NAV2: variants seen among roughly 807,000 people sequenced by gnomAD.
NAV2 encodes helicase, APC down-regulated 1.
Under a neutral mutation model 223.2 loss-of-function variants are expected in NAV2, and 54 were observed. That is an observed-to-expected ratio of 0.24 (90% CI 0.19 to 0.30). NAV2 has a LOEUF of 0.30. NAV2 is among the 10% of genes least tolerant of loss of function. The pLI, the probability that NAV2 is intolerant of heterozygous loss-of-function variation, is 1.00. For missense variants in NAV2, 2,806 were observed against 3,147.5 expected, an observed-to-expected ratio of 0.89 and a Z score of 2.60; for synonymous variants, 1,279 against 1,239.3, an observed-to-expected ratio of 1.03 and a Z score of -0.67.
intron 1 of NAV2, among the ~76,000 whole-genome samples, chr11:19,674,547 G>T (rs1302460570): frequency 2.6e-5 from 4 of 152,158 alleles, no homozygotes; most frequent in Non-Finnish European, 5.9e-5. Flanking sequence ...GTGTTGTCAC[G>T]GGCCAGGCTT....
intron 1 of NAV2, among the ~76,000 whole-genome samples, chr11:19,541,118 A>G (rs2044329288): frequency 6.6e-6 from 1 of 152,216 alleles, no homozygotes; most frequent in Non-Finnish European, 1.5e-5. Flanking sequence ...TATTATTATG[A>G]GGAGGAGAGA....
chr11:20,057,180 A>G (rs1026117272), intron 19 of NAV2, among the ~76,000 whole-genome samples: 13 of 152,342 alleles, frequency 8.5e-5, no homozygotes, highest in Admixed American at 2.0e-4. Flanking sequence ...TCCTCCCAGC[A>G]TGAAAGAACA....
At chr11:19,409,919 G>C (rs530572773) in intron 1 of NAV2, among the ~76,000 whole-genome samples, 5 of 152,290 alleles carry the variant, frequency 3.3e-5, no homozygotes, top group African/African-American at 1.2e-4. Context: ...TCTGGGCTGA[G>C]ACAGGCGGCT....
At chr11:19,882,554 T>C (rs549658833) in intron 5 of NAV2, among the ~76,000 whole-genome samples, 12 of 152,294 alleles carry the variant, frequency 7.9e-5, no homozygotes, top group South Asian at 6.2e-4. Flanking sequence ...GGAACATGCA[T>C]TGAGAAATAG....
intron 37 of NAV2, among the ~76,000 whole-genome samples, chr11:20,115,239 G>C (rs1173540071): frequency 1.3e-5 from 2 of 152,160 alleles, no homozygotes; most frequent in Admixed American, 1.3e-4. Flanking sequence ...TCACAGAGGG[G>C]AGGAGGCCTG....
chr11:19,433,717 G>A (rs575559866), intron 1 of NAV2, among the ~76,000 whole-genome samples: 4 of 152,278 alleles, frequency 2.6e-5, no homozygotes, highest in Admixed American at 2.6e-4. Context: ...AAGCTAACTG[G>A]GGCCTTTATA....
At chr11:20,081,241 A>G (rs2060072838) in intron 25 of NAV2, among the ~76,000 whole-genome samples, 3 of 152,178 alleles carry the variant, frequency 2.0e-5, no homozygotes, top group Non-Finnish European at 2.9e-5. Flanking sequence ...TTTCTTTTTT[A>G]AGTTACTAAT....
At chr11:19,745,566 C>T (rs780199876) in intron 1 of NAV2, among the ~76,000 whole-genome samples, 20 of 151,982 alleles carry the variant, frequency 1.3e-4, no homozygotes, top group Middle Eastern at 3.2e-3. Flanking sequence ...TGGGGGTAGC[C>T]GGCTATCACA....
chr11:19,422,487 C>T (rs758382401), intron 1 of NAV2, among the ~76,000 whole-genome samples: 6 of 152,160 alleles, frequency 3.9e-5, no homozygotes, highest in East Asian at 1.9e-4. Flanking sequence ...CCCAGCAGAG[C>T]GTGGCTGGTC....
intron 6 of NAV2, among the ~76,000 whole-genome samples, chr11:19,895,902 AACAGGT>A (rs534637494): frequency 1.1e-4 from 16 of 151,958 alleles, no homozygotes; most frequent in Non-Finnish European, 1.9e-4. Flanking sequence ...GGTAAGACAC[AACAGGT>A]ACCTGGATGA....
At chr11:20,039,083 C>T (rs2056671361) in intron 12 of NAV2, among the ~76,000 whole-genome samples, 1 of 152,106 alleles carries the variant, frequency 6.6e-6, no homozygotes, top group African/African-American at 2.4e-5. Context: ...CAGAGAATCC[C>T]CTGCTTGAGG....
At chr11:19,589,042 G>A (rs1000753252) in intron 1 of NAV2, among the ~76,000 whole-genome samples, 8 of 152,306 alleles carry the variant, frequency 5.3e-5, no homozygotes, top group Admixed American at 5.2e-4. Context: ...CACCATACCT[G>A]GTCCTTCCTC....
intron 14 of NAV2, among the ~76,000 whole-genome samples, 158 bp downstream of exon 14, chr11:20,045,828 A>G (rs929553773): frequency 3.3e-5 from 5 of 152,202 alleles, no homozygotes; most frequent in Non-Finnish European, 7.3e-5. Flanking sequence ...GCAGTTGACT[A>G]TTTTCCCATG....
At chr11:19,681,410 GAT>G (rs2048876420) in intron 1 of NAV2, among the ~76,000 whole-genome samples, 1 of 152,198 alleles carries the variant, frequency 6.6e-6, no homozygotes, top group South Asian at 2.1e-4. Context: ...GTCAGTTAGT[GAT>G]AGAGTTAGCG....
At chr11:19,507,066 C>T (rs139971716) in intron 1 of NAV2, 4 of 152,310 alleles carry the variant, frequency 2.6e-5, no homozygotes, top group African/African-American at 7.2e-5. Flanking sequence ...AGCAACCTCT[C>T]TGCCTAAATG....
intron 6 of NAV2, among the ~76,000 whole-genome samples, chr11:19,895,720 GT>G (rs971790535): frequency 3.3e-5 from 5 of 151,638 alleles, no homozygotes; most frequent in Admixed American, 6.6e-5. Flanking sequence ...GCTGTCCCAG[GT>G]TTTTTTTTAT....
At chr11:20,030,852 A>G (rs1001059857) in intron 11 of NAV2, among the ~76,000 whole-genome samples, 9 of 152,264 alleles carry the variant, frequency 5.9e-5, no homozygotes, top group Admixed American at 4.6e-4. Context: ...AATTGAAATC[A>G]GAAGACTGTT....
intron 10 of NAV2, among the ~76,000 whole-genome samples, chr11:19,957,505 C>T (rs533732286): frequency 1.4e-4 from 21 of 152,304 alleles, no homozygotes; most frequent in African/African-American, 4.8e-4. Context: ...GGTGGTTTGG[C>T]AGATGGATGG....
intron 26 of NAV2, among the ~76,000 whole-genome samples, chr11:20,083,554 C>G (rs919952374): frequency 6.6e-6 from 1 of 152,170 alleles, no homozygotes; most frequent in African/African-American, 2.4e-5. Context: ...GTAAGAAAGG[C>G]TGGCCCTGCT....
Sources: allele counts gnomAD v4.1 joint callset (sites outside exome capture counted in the v4.1 genomes callset), GRCh38; gene constraint gnomAD v4.1.1; transcripts MANE v1.5; gene names NCBI Gene and HGNC (gene_info 2026-07-23, HGNC 2026-07-21).